The following PIWIL2 variants were observed in gnomAD, a reference collection of about 807,000 sequenced individuals.
PIWIL2 encodes the protein piwi-like protein 2.
A neutral mutation model predicts 116.5 loss-of-function variants in PIWIL2; 81 were observed. The ratio of observed to expected loss-of-function variants is 0.70; its 90% CI spans 0.58 to 0.84. The LOEUF is 0.84. Ranked by LOEUF, PIWIL2 falls within the 40% of genes least tolerant of loss-of-function variation. The pLI, the probability that PIWIL2 is intolerant of heterozygous loss-of-function variation, is 0.00. For synonymous variants in PIWIL2, 489 were observed against 429.5 expected (o/e 1.14, Z -1.71); for missense variants, 1,272 against 1,212.3 (o/e 1.05, Z -0.73).
At chr8:22,302,339 G>A (rs771867121) in intron 10 of PIWIL2, among the ~76,000 whole-genome samples, 3 of 151,944 alleles carry the variant, frequency 2.0e-5, no homozygotes, top group East Asian at 1.9e-4. Flanking sequence ...GCACCCCCAC[G>A]CCCAGTTAAT....
chr8:22,293,059 T>C (rs1259097740), intron 10 of PIWIL2, among the ~76,000 whole-genome samples: 1 of 152,248 alleles, frequency 6.6e-6, no homozygotes, highest in African/African-American at 2.4e-5. Flanking sequence ...TCAAATCGGC[T>C]ATTTCTTTTT....
In PIWIL2 at chr8:22,354,343, C is replaced by T. The variant is rs1227157527; in HGVS notation, c.2730C>T (p.Leu910=). ...CGIPTHYVCV[L]NTANLSPDHM... ...TTCCTACGCATTATGTCTGTGTTCT[C>T]AACACCGCAAACCTGAGCCCTGATC... The change falls in exon 22 of 23, where the codon CTC becomes CTT. Residue 910 remains leucine (L), a synonymous_variant. Coordinates refer to ENST00000356766, the MANE Select transcript of PIWIL2 (RefSeq NM_018068.5). 3 of 1,613,122 alleles carry T rather than the reference C, an allele frequency of 1.9e-6. No individual in the cohort carries two copies. Among genetic ancestry groups the T allele is most frequent in the Non-Finnish European group, 8.5e-7 (1 of 1,179,150 alleles).
intron 10 of PIWIL2, among the ~76,000 whole-genome samples, chr8:22,294,900 GAAAAAAAAAA>G (rs57742067): frequency 1.1e-4 from 10 of 93,650 alleles, no homozygotes; most frequent in Non-Finnish European, 1.5e-4. Flanking sequence ...ATCTTTACTG[GAAAAAAAAAA>G]AAAAAAAAAA....
At chr8:22,309,488 G>A (rs1325649907) in intron 14 of PIWIL2, among the ~76,000 whole-genome samples, 3 of 151,650 alleles carry the variant, frequency 2.0e-5, no homozygotes, top group Non-Finnish European at 4.4e-5. Context: ...ACAGGCATGC[G>A]CCACCACACC....
At chr8:22,354,427 C>T (rs765640912) in intron 22 of PIWIL2, 49 bp downstream of exon 22, 31 of 1,229,624 alleles carry the variant, frequency 2.5e-5, no homozygotes, top group Non-Finnish European at 3.7e-5. Flanking sequence ...TAATTCTGGC[C>T]TGCTAGCTAA....
chr8:22,309,908 T>C (rs1209096413), intron 14 of PIWIL2, 53 bp from the exon 15 acceptor site: 54 of 1,083,472 alleles, frequency 5.0e-5, no homozygotes, highest in Non-Finnish European at 7.1e-6. Context: ...GCAGTGTTTT[T>C]CTAAATAGCG....
At chr8:22,332,384 G>T (rs1255486998) in intron 20 of PIWIL2, among the ~76,000 whole-genome samples, 1 of 151,996 alleles carries the variant, frequency 6.6e-6, no homozygotes, top group Non-Finnish European at 1.5e-5. Flanking sequence ...ATGTACATAA[G>T]AAGTGGCTCA....
rs773835988 is a variant in PIWIL2 at position 22,279,434 on chromosome 8, A to G, written c.48A>G (p.Pro16=). ...PSFRGQSPIH[P]SQCQAVRMPG... Reference sequence around the variant, plus strand: ...TCAGGGGCCAGTCTCCTATCCACCCATCCCAGTGCCAGGCTGTACGGATGC... The same window carrying G: ...TCAGGGGCCAGTCTCCTATCCACCCGTCCCAGTGCCAGGCTGTACGGATGC... The change falls in exon 2 of 23, where the codon CCA becomes CCG. Residue 16 remains proline, a synonymous_variant. Coordinates refer to ENST00000356766, the MANE Select transcript of PIWIL2 (RefSeq NM_018068.5). 6.2e-7 allele frequency: 1 copy of G among 1,614,126 alleles called. No homozygotes were observed. Among genetic ancestry groups the G allele is most frequent in the Non-Finnish European group, 8.5e-7 (1 of 1,180,010 alleles).
At chr8:22,298,645 G>A (rs777976987) in intron 10 of PIWIL2, among the ~76,000 whole-genome samples, 4 of 150,856 alleles carry the variant, frequency 2.7e-5, no homozygotes, top group Non-Finnish European at 6.0e-5. Context: ...AATTATCTTG[G>A]TTGGACCTTC....
At chr8:22,302,535 G>C (rs550030803) in intron 10 of PIWIL2, among the ~76,000 whole-genome samples, 1 of 152,144 alleles carries the variant, frequency 6.6e-6, no homozygotes, top group East Asian at 1.9e-4. Flanking sequence ...TAAAGACTCT[G>C]TTATTTCTGT....
chr8:22,350,438 A>G (rs1373023059), intron 20 of PIWIL2, among the ~76,000 whole-genome samples: 1 of 151,998 alleles, frequency 6.6e-6, no homozygotes, highest in Non-Finnish European at 1.5e-5. Flanking sequence ...TCTACAAAAA[A>G]TACAAAAGTT....
rs1015915527 is a variant in PIWIL2 at position 22,342,792 on chromosome 8, T to C, written c.2404-10167T>C. Among the ~76,000 whole-genome samples the C allele has an allele frequency of 1.8e-4, 27 of 152,174 alleles. No homozygotes were observed. The South Asian group carries it at 5.0e-3, about 28-fold the overall frequency. ...AAAATTCATCGAATTTAAAAACTTC[T>C]GGGAAACACTGATAAGAGGATGAAA... On this transcript the variant is annotated intron_variant, in intron 20 of 22. Transcript: ENST00000356766.
chr8:22,317,236 T>A (rs776796277), intron 19 of PIWIL2, among the ~76,000 whole-genome samples: 4 of 152,210 alleles, frequency 2.6e-5, no homozygotes, highest in Non-Finnish European at 4.4e-5. Context: ...AAATAAGCCA[T>A]GCTCATCCCA....
intron 20 of PIWIL2, among the ~76,000 whole-genome samples, chr8:22,346,122 G>A (rs1375855141): frequency 1.3e-5 from 2 of 152,268 alleles, no homozygotes; most frequent in South Asian, 2.1e-4. Flanking sequence ...GCTTTGGGAG[G>A]CCAAAGTGGG....
Position 22,356,311 on chromosome 8 carries a change from C to T in PIWIL2, c.*806C>T, listed in dbSNP as rs1832489920. On this transcript the variant is annotated 3_prime_UTR_variant, in exon 23 of 23. Transcript: ENST00000356766. ...AGGTGTGCAAGGCGTGTAGTAAAAT[C>T]AGTTTGTGGCATAGGTCGGCCCTTG... The T allele has an allele frequency of 6.6e-6, 1 of 152,242 alleles. No homozygotes were observed. The highest frequency in any genetic ancestry group is 1.9e-4 in the East Asian group (1 of 5,184). 9.4% of individuals were successfully genotyped at this position (152,242 alleles called of 1,614,324 possible). A position where few individuals can be genotyped will look rare whatever the true frequency, so the allele number is the denominator to read the frequency against.
At position 22,285,987 on chromosome 8, in the gene PIWIL2, G is replaced by A. The variant is rs1021222038; in HGVS notation, c.744-1541G>A. On this transcript the variant is annotated intron_variant, in intron 6 of 22. Transcript: ENST00000356766. ...TTCTAAAGGTAGCTATACTAGGAAGGCTGAATTTGTGAAGGGCAGCTGCTA... is the reference window on the plus strand; with the variant it reads ...TTCTAAAGGTAGCTATACTAGGAAGACTGAATTTGTGAAGGGCAGCTGCTA... Among the ~76,000 whole-genome samples, 9 of 152,172 alleles carry A rather than the reference G, an allele frequency of 5.9e-5. No individual in the cohort carries two copies. The East Asian group carries it at 1.2e-3, about 20-fold the overall frequency.
intron 20 of PIWIL2, among the ~76,000 whole-genome samples, chr8:22,326,152 C>T (rs968916011): frequency 2.0e-5 from 3 of 151,906 alleles, no homozygotes; most frequent in Non-Finnish European, 2.9e-5. Context: ...GAGTTCCCCT[C>T]GCCTTCCCAG....
chr8:22,312,301 TG>T (rs1199281950), intron 16 of PIWIL2, among the ~76,000 whole-genome samples: 1 of 151,866 alleles, frequency 6.6e-6, no homozygotes. Flanking sequence ...GATTTTACTC[TG>T]TCACCCATGT....
chr8:22,307,091 A>G (rs961758312), intron 13 of PIWIL2, among the ~76,000 whole-genome samples: 1 of 152,256 alleles, frequency 6.6e-6, no homozygotes, highest in African/African-American at 2.4e-5. Flanking sequence ...GCTATGGCAT[A>G]TAGTGTTAGA....
Sources: allele counts gnomAD v4.1 joint callset (sites outside exome capture counted in the v4.1 genomes callset), GRCh38; gene constraint gnomAD v4.1.1; transcripts MANE v1.5; gene names NCBI Gene and HGNC (gene_info 2026-07-23, HGNC 2026-07-21).